FGD3: variants seen among roughly 807,000 people sequenced by gnomAD.
The protein encoded by FGD3 is FYVE, RhoGEF and PH domain-containing protein 3.
Under a neutral mutation model 71.8 loss-of-function variants are expected in FGD3, and 45 were observed. That is an observed-to-expected ratio of 0.63 (90% CI 0.49 to 0.80). The LOEUF (loss-of-function observed/expected upper bound fraction) is 0.80. Among genes scored for constraint, FGD3 ranks in the 30% least tolerant of loss-of-function variants. FGD3 has a pLI of 0.00. For missense variants in FGD3, 844 were observed against 951.5 expected, an observed-to-expected ratio of 0.89 and a Z score of 1.49; for synonymous variants, 378 against 392.8, an observed-to-expected ratio of 0.96 and a Z score of 0.44.
chr9:93,022,342 C>T lies in FGD3; in HGVS notation c.1510C>T (p.Pro504Ser). 1 of 1,612,310 alleles carries T rather than the reference C, an allele frequency of 6.2e-7. No homozygotes were observed. The highest frequency in any genetic ancestry group is 8.5e-7 in the Non-Finnish European group (1 of 1,179,300). ...TCCCTTCTAGATCACGAGCACCAGC[C>T]CTGTGGAGCCTGTGGTGACCACCGA... ...SPDMPITSTS[P>S]VEPVVTTEGS... Residue 504 changes from proline to serine, a missense_variant, in exon 14 of 18, where the codon CCT becomes TCT. Pro to Ser is a moderately conservative substitution (Grantham distance 74). Transcript: ENST00000375482.
In FGD3 at chr9:93,013,903, G is replaced by A. The variant is rs201225542; in HGVS notation, c.1087G>A (p.Asp363Asn). Reference protein sequence around the residue: ...EVYEQLGGEEDIVNPANELIK... With the variant: ...EVYEQLGGEENIVNPANELIK... ...GTACGAGCAGCTGGGTGGGGAAGAAGACATTGTCAACCCGGCCAATGAACT... is the reference window on the plus strand; with the variant it reads ...GTACGAGCAGCTGGGTGGGGAAGAAAACATTGTCAACCCGGCCAATGAACT... Residue 363 changes from aspartate (D) to asparagine (N), a missense_variant, in exon 9 of 18, where the codon GAC becomes AAC. Transcript: ENST00000375482. The A allele has an allele frequency of 9.9e-6, 16 of 1,612,670 alleles. No homozygotes were observed. The South Asian group carries it at 1.1e-4, about 11-fold the overall frequency.
intron 3 of FGD3, among the ~76,000 whole-genome samples, chr9:92,994,383 G>A (rs2118661588): frequency 6.6e-6 from 1 of 152,198 alleles, no homozygotes; most frequent in South Asian, 2.1e-4. Context: ...TGTCAGATGG[G>A]TAGATTGCAA....
intron 8 of FGD3, 78 bp downstream of exon 8, chr9:93,011,350 C>T (rs1401274051): frequency 1.3e-6 from 2 of 1,552,706 alleles, no homozygotes; most frequent in African/African-American, 1.4e-5. Flanking sequence ...GGGCCAGCCC[C>T]TTTGCCGCTA....
chr9:93,008,614 CT>C (rs1861165042), intron 6 of FGD3, among the ~76,000 whole-genome samples: 1 of 152,226 alleles, frequency 6.6e-6, no homozygotes, highest in African/African-American at 2.4e-5. Context: ...GGGATATTCA[CT>C]TGATAAAGGG....
In FGD3 at chr9:93,034,614, G is replaced by A. The variant is rs1281726677; in HGVS notation, c.1859G>A (p.Trp620Ter). The A allele has an allele frequency of 1.2e-6, 2 of 1,613,516 alleles. No homozygotes were observed. Among genetic ancestry groups the A allele is most frequent in the Non-Finnish European group, 1.7e-6 (2 of 1,179,880 alleles). The change falls in exon 17 of 18, where the codon TGG becomes TAG. Residue 620 changes from tryptophan (W) to a stop codon, truncating the protein, a stop_gained. Transcript: ENST00000375482. LOFTEE classifies it high-confidence loss of function. ...PLRLSESGET[W>*]SEVWAAIPMS... ...CGGCTGTCAGAGAGCGGTGAGACCTGGAGCGAGGTGTGGGCCGCCATCCCC... is the reference window on the plus strand; with the variant it reads ...CGGCTGTCAGAGAGCGGTGAGACCTAGAGCGAGGTGTGGGCCGCCATCCCC...
chr9:93,016,297 G>A (rs916221478), intron 10 of FGD3, among the ~76,000 whole-genome samples: 1 of 150,892 alleles, frequency 6.6e-6, no homozygotes, highest in African/African-American at 2.4e-5. Flanking sequence ...CGGGGGGAGG[G>A]TTCCAGGCAG....
intron 3 of FGD3, among the ~76,000 whole-genome samples, chr9:92,991,702 CT>C (rs1860418839): frequency 6.6e-6 from 1 of 152,176 alleles, no homozygotes; most frequent in Admixed American, 6.5e-5. Flanking sequence ...TCTGATGTGT[CT>C]TTGATTTTCT....
intron 1 of FGD3, among the ~76,000 whole-genome samples, chr9:92,966,632 C>T (rs10992556): frequency 0.041 from 6,210 of 152,288 alleles, 159 homozygotes; most frequent in Middle Eastern, 0.075. Flanking sequence ...TATGAGGCCT[C>T]TGCCCAGGGT....
intron 1 of FGD3, among the ~76,000 whole-genome samples, chr9:92,966,329 C>G (rs1226243521): frequency 6.6e-6 from 1 of 152,198 alleles, no homozygotes; most frequent in Admixed American, 6.5e-5. Context: ...AACCTGTGCC[C>G]GTGGTGCCTC....
intron 3 of FGD3, among the ~76,000 whole-genome samples, chr9:92,989,338 C>T (rs1009766165): frequency 3.3e-5 from 5 of 152,170 alleles, no homozygotes; most frequent in African/African-American, 4.8e-5. Context: ...CGTGATCCAC[C>T]GCGCCTGGCC....
At chr9:92,954,983 T>C (rs1859023673) in intron 1 of FGD3, among the ~76,000 whole-genome samples, 1 of 152,110 alleles carries the variant, frequency 6.6e-6, no homozygotes, top group South Asian at 2.1e-4. Flanking sequence ...GATGGCGATA[T>C]GGTGTCTATG....
chr9:92,999,522 C>G (rs1437049152), intron 3 of FGD3, among the ~76,000 whole-genome samples: 2 of 151,988 alleles, frequency 1.3e-5, no homozygotes, highest in Non-Finnish European at 2.9e-5. Flanking sequence ...CAGAAATCAT[C>G]CGTCTAATGC....
At chr9:92,980,805 T>A (rs752868018) in intron 3 of FGD3, among the ~76,000 whole-genome samples, 1 of 151,512 alleles carries the variant, frequency 6.6e-6, no homozygotes, top group Non-Finnish European at 1.5e-5. Flanking sequence ...ACCCTGTCTC[T>A]ACTAAAAATA....
chr9:93,008,259 C>T (rs537939373), intron 6 of FGD3, among the ~76,000 whole-genome samples: 1 of 152,304 alleles, frequency 6.6e-6, no homozygotes, highest in Non-Finnish European at 1.5e-5. Flanking sequence ...GTACTCCCAG[C>T]ACAGTGATCA....
At chr9:92,983,385 C>T (rs1043771004) in intron 3 of FGD3, among the ~76,000 whole-genome samples, 9 of 151,650 alleles carry the variant, frequency 5.9e-5, no homozygotes, top group African/African-American at 1.5e-4. Context: ...ATTAGCCAGG[C>T]GAGGTGGCGG....
rs750597235 is a variant in FGD3, at chr9:93,018,194, G to T, written c.1334G>T (p.Arg445Met). 6.2e-7 allele frequency: 1 copy of T among 1,614,098 alleles called. No individual in the cohort carries two copies. ...AHTFIITGRK[R>M]SLELQTRTEE... ...ACATTCATCATAACAGGAAGAAAAA[G>T]GTCCCTGGAGCTGCAGACGCGGTAT... The change falls in exon 11 of 18, where the codon AGG (arginine) becomes ATG (methionine). Residue 445 changes from arginine (R) to methionine (M), a missense_variant. Arg to Met is a moderately conservative substitution (Grantham distance 91, BLOSUM62 -1). Coordinates refer to ENST00000375482, the MANE Select transcript of FGD3 (RefSeq NM_001083536.2).
At chr9:93,013,430 C>T (rs549210418) in intron 8 of FGD3, among the ~76,000 whole-genome samples, 1 of 152,314 alleles carries the variant, frequency 6.6e-6, no homozygotes, top group Admixed American at 6.5e-5. Flanking sequence ...GCTGGTTACC[C>T]ATGTGACCAC....
At chr9:92,951,369 T>C (rs1858950973) in intron 1 of FGD3, among the ~76,000 whole-genome samples, 1 of 152,188 alleles carries the variant, frequency 6.6e-6, no homozygotes, top group Non-Finnish European at 1.5e-5. Context: ...ACGTGGAACT[T>C]GTAACTTCCT....
At chr9:92,987,343 A>G (rs573526952) in intron 3 of FGD3, among the ~76,000 whole-genome samples, 88 of 151,976 alleles carry the variant, frequency 5.8e-4, no homozygotes, top group Admixed American at 4.7e-3. Flanking sequence ...GAGGCAGAAG[A>G]ATGGTGTGAA....
Sources: gnomAD v4.1 joint callset for allele counts (sites outside exome capture counted in the v4.1 genomes callset) on GRCh38, gnomAD v4.1.1 for gene constraint, MANE v1.5 for transcripts, NCBI Gene and HGNC (gene_info 2026-07-23, HGNC 2026-07-21) for gene names.